Variants in B3GALT1 observed in about 807,000 individuals in gnomAD.
B3GALT1 encodes UDP-Gal:betaGlcNAc beta 1,3-galactosyltransferase, polypeptide 1.
B3GALT1 carries 10 observed loss-of-function variants against 23.2 expected under a neutral mutation model. The observed-to-expected ratio is 0.43, with a 90% CI of 0.27 to 0.73. The LOEUF (loss-of-function observed/expected upper bound fraction) is 0.73, where lower values mean the gene tolerates loss of function less well. Among genes scored for constraint, B3GALT1 ranks in the 30% least tolerant of loss-of-function variants. B3GALT1 has a pLI of 0.21. For missense variants in B3GALT1, 299 were observed against 405.4 expected, an observed-to-expected ratio of 0.74 and a Z score of 2.25; for synonymous variants, 156 against 141.5, an observed-to-expected ratio of 1.10 and a Z score of -0.73.
intron 1 of B3GALT1, among the ~76,000 whole-genome samples, chr2:167,453,668 C>A (rs1018317612): frequency 6.6e-6 from 1 of 152,268 alleles, no homozygotes; most frequent in South Asian, 2.1e-4. Context: ...AAAAACTGAA[C>A]AAGTGCCAAT....
chr2:167,543,005 CATT>C (rs1282451436), intron 2 of B3GALT1, among the ~76,000 whole-genome samples: 2 of 151,904 alleles, frequency 1.3e-5, no homozygotes, highest in Admixed American at 1.3e-4. Flanking sequence ...CCTAATTAAA[CATT>C]AATAATAAGA....
chr2:167,687,724 ATTTCATGTTTT>A (rs1686640224), intron 3 of B3GALT1, among the ~76,000 whole-genome samples: 1 of 152,264 alleles, frequency 6.6e-6, no homozygotes, highest in Admixed American at 6.5e-5. Context: ...GTGGAGAATA[ATTTCATGTTTT>A]TCACCATTTA....
rs369188341 is a variant in B3GALT1 at position 167,398,049 on chromosome 2, A to G, written c.-510-92128A>G. On this transcript the variant is annotated intron_variant, in intron 1 of 4. Coordinates refer to ENST00000392690, the MANE Select transcript of B3GALT1 (RefSeq NM_020981.4). ...ATTAATCTTTGTTACCGTACAAAAT[A>G]ATAGCATGAAACATTTTTATATGCC... 1.1e-4 allele frequency among the ~76,000 whole-genome samples: 16 copies of G among 152,322 alleles called. No homozygotes were observed. In the South Asian group the frequency reaches 2.5e-3, roughly 24 times the overall value.
At chr2:167,867,175 C>T (rs1035884001) in intron 4 of B3GALT1, among the ~76,000 whole-genome samples, 5 of 152,230 alleles carry the variant, frequency 3.3e-5, no homozygotes, top group African/African-American at 1.2e-4. Context: ...ATCCGCCCCC[C>T]TTGGCCTCCC....
At chr2:167,571,820 G>A (rs891448930) in intron 2 of B3GALT1, among the ~76,000 whole-genome samples, 1 of 151,840 alleles carries the variant, frequency 6.6e-6, no homozygotes, top group Non-Finnish European at 1.5e-5. Context: ...CCAGAGAGCT[G>A]AACATAATTG....
intron 3 of B3GALT1, among the ~76,000 whole-genome samples, chr2:167,695,827 A>G (rs1686782730): frequency 1.3e-5 from 2 of 152,084 alleles, no homozygotes; most frequent in Admixed American, 1.3e-4. Context: ...CCTATTCTCA[A>G]CCAGCAGCTT....
At chr2:167,667,224 G>T (rs1686215531) in intron 3 of B3GALT1, among the ~76,000 whole-genome samples, 1 of 151,996 alleles carries the variant, frequency 6.6e-6, no homozygotes, top group East Asian at 1.9e-4. Context: ...TAGTTTGGCT[G>T]GATGTGAAAT....
intron 2 of B3GALT1, among the ~76,000 whole-genome samples, chr2:167,547,258 G>A (rs564819688): frequency 2.6e-4 from 39 of 152,242 alleles, no homozygotes; most frequent in African/African-American, 5.8e-4. Flanking sequence ...CAGCCTGCCC[G>A]TTCAATGTAC....
At chr2:167,550,253 G>C (rs726360) in intron 2 of B3GALT1, among the ~76,000 whole-genome samples, 86,958 of 152,128 alleles carry the variant, frequency 0.57, 28,900 homozygotes, top group East Asian at 0.99. Flanking sequence ...AAATAATTAA[G>C]TACACTTATT....
At chr2:167,566,234 A>T (rs1412257645) in intron 2 of B3GALT1, among the ~76,000 whole-genome samples, 2 of 152,124 alleles carry the variant, frequency 1.3e-5, no homozygotes, top group Admixed American at 1.3e-4. Context: ...CATCATTCTC[A>T]ATAAACTATC....
At chr2:167,621,732 G>A (rs1685263821) in intron 2 of B3GALT1, among the ~76,000 whole-genome samples, 1 of 152,024 alleles carries the variant, frequency 6.6e-6, no homozygotes, top group Non-Finnish European at 1.5e-5. Context: ...TCGTGATAGT[G>A]AGTGAGTTCT....
intron 2 of B3GALT1, among the ~76,000 whole-genome samples, chr2:167,630,167 G>A (rs536059692): frequency 2.3e-3 from 349 of 151,864 alleles, no homozygotes; most frequent in Non-Finnish European, 3.9e-3. Context: ...GATTAAATGA[G>A]ATTAGATACA....
chr2:167,749,582 A>C (rs1282809435), intron 3 of B3GALT1, among the ~76,000 whole-genome samples: 1 of 152,206 alleles, frequency 6.6e-6, no homozygotes, highest in Non-Finnish European at 1.5e-5. Context: ...TAATGCCCTG[A>C]GGGATCAACT....
intron 1 of B3GALT1, among the ~76,000 whole-genome samples, chr2:167,297,367 A>G (rs977991625): frequency 6.6e-6 from 1 of 151,170 alleles, no homozygotes; most frequent in Non-Finnish European, 1.5e-5. Context: ...TGAAGGTATC[A>G]CATTTATGTA....
chr2:167,387,152 A>G (rs778035050), intron 1 of B3GALT1, among the ~76,000 whole-genome samples: 4 of 152,234 alleles, frequency 2.6e-5, no homozygotes, highest in East Asian at 1.9e-4. Context: ...GCATTAAAAG[A>G]TATGGTAGGC....
At chr2:167,474,789 T>C (rs941286660) in intron 1 of B3GALT1, among the ~76,000 whole-genome samples, 11 of 152,292 alleles carry the variant, frequency 7.2e-5, no homozygotes, top group African/African-American at 2.6e-4. Context: ...AAATTTGATG[T>C]GATTTTTGAC....
chr2:167,341,676 A>T (rs1697149388), intron 1 of B3GALT1, among the ~76,000 whole-genome samples: 1 of 152,144 alleles, frequency 6.6e-6, no homozygotes, highest in South Asian at 2.1e-4. Flanking sequence ...ACAAAAAAAA[A>T]GATTACTGCT....
At chr2:167,667,767 C>T (rs975543302) in intron 3 of B3GALT1, among the ~76,000 whole-genome samples, 11 of 152,194 alleles carry the variant, frequency 7.2e-5, no homozygotes, top group Non-Finnish European at 1.2e-4. Flanking sequence ...GCATTCTTCA[C>T]GTAGTTCTCG....
chr2:167,864,082 C>T (rs906850474), intron 4 of B3GALT1, among the ~76,000 whole-genome samples: 1 of 151,888 alleles, frequency 6.6e-6, no homozygotes, highest in Non-Finnish European at 1.5e-5. Context: ...ACTTCTTTAA[C>T]AGTTTCAGCT....
Sources: allele counts gnomAD v4.1 joint callset (sites outside exome capture counted in the v4.1 genomes callset), GRCh38; gene constraint gnomAD v4.1.1; transcripts MANE v1.5; gene names NCBI Gene and HGNC (gene_info 2026-07-23, HGNC 2026-07-21).